SLC12A6: variants seen among roughly 807,000 people sequenced by gnomAD.
SLC12A6 encodes the protein K-Cl cotransporter 3.
A neutral mutation model predicts 135.3 loss-of-function variants in SLC12A6; 66 were observed. The observed-to-expected ratio is 0.49, with a 90% CI of 0.40 to 0.60. SLC12A6 has a LOEUF of 0.60. Ranked by LOEUF, SLC12A6 falls within the 20% of genes least tolerant of loss-of-function variation. The pLI is 0.00. For missense variants in SLC12A6, 1,058 were observed against 1,452.3 expected (o/e 0.73, Z 4.41); for synonymous variants, 513 against 508.8 (o/e 1.01, Z -0.11).
intron 2 of SLC12A6, among the ~76,000 whole-genome samples, chr15:34,334,836 T>G (rs368822271): frequency 6.6e-6 from 1 of 152,196 alleles, no homozygotes; most frequent in African/African-American, 2.4e-5. Context: ...GATACCACTT[T>G]AGACTGTAAA....
At chr15:34,248,000 C>T (rs990338213) in intron 13 of SLC12A6, among the ~76,000 whole-genome samples, 1 of 152,208 alleles carries the variant, frequency 6.6e-6, no homozygotes, top group Non-Finnish European at 1.5e-5. Context: ...CCACCATACC[C>T]AGCCCTCTGA....
upstream of SLC12A6, chr15:34,337,918 G>C (rs907318684): frequency 6.6e-6 from 1 of 152,440 alleles, no homozygotes; most frequent in African/African-American, 2.4e-5. Context: ...CGCCGCCGCA[G>C]CCCTTCCCTT....
chr15:34,308,362 T>C (rs1887883808), intron 2 of SLC12A6, among the ~76,000 whole-genome samples: 1 of 152,096 alleles, frequency 6.6e-6, no homozygotes, highest in Non-Finnish European at 1.5e-5. Context: ...CGGTGGCTCA[T>C]GCCTGTAATC....
chr15:34,305,514 T>C (rs1896547050), intron 2 of SLC12A6, among the ~76,000 whole-genome samples: 1 of 152,006 alleles, frequency 6.6e-6, no homozygotes, highest in Non-Finnish European at 1.5e-5. Context: ...GCGCCTACTA[T>C]GTGTAAGACA....
rs1326578142 is a variant in SLC12A6, at chr15:34,231,591, TC to T, written c.*2289del. 0.059 allele frequency: 7,012 copies of T among 118,582 alleles called. 221 individuals are homozygous for T. Among genetic ancestry groups the T allele is most frequent in the Middle Eastern group, 0.094 (17 of 180 alleles). 7.3% of individuals were successfully genotyped at this position (118,582 alleles called of 1,614,324 possible). On this transcript the variant is annotated 3_prime_UTR_variant, in exon 26 of 26. Transcript: ENST00000354181. ...AAATTACTCAATTTCTTTCTTTCTT[TC>T]TTTTTTTTTTTTTTTGAGATGGAGT...
intron 2 of SLC12A6, among the ~76,000 whole-genome samples, chr15:34,318,004 G>A (rs768920644): frequency 6.6e-6 from 1 of 152,000 alleles, no homozygotes; most frequent in Non-Finnish European, 1.5e-5. Context: ...ACCATCTCTT[G>A]TACTTTTGTT....
intron 2 of SLC12A6, among the ~76,000 whole-genome samples, chr15:34,294,077 T>G (rs1895719899): frequency 6.6e-6 from 1 of 152,266 alleles, no homozygotes; most frequent in Non-Finnish European, 1.5e-5. Context: ...TCATTTTCTT[T>G]CTTGTGTAAA....
intron 2 of SLC12A6, 57 bp downstream of exon 2, chr15:34,336,353 C>A: frequency 7.5e-7 from 1 of 1,328,954 alleles, no homozygotes; most frequent in South Asian, 1.2e-5. Context: ...CATAGATGGT[C>A]ATCTTGGATA....
chr15:34,287,644 T>A (rs1043934425), intron 2 of SLC12A6, among the ~76,000 whole-genome samples: 5 of 152,190 alleles, frequency 3.3e-5, no homozygotes, highest in Non-Finnish European at 7.3e-5. Flanking sequence ...CATGTGTTGT[T>A]TCCTGACTTT....
At position 34,336,403 on chromosome 15, in the gene SLC12A6, T is replaced by C. The variant is rs2141211353; in HGVS notation, c.271+7A>G. On this transcript the variant is annotated splice_region_variant and intron_variant, in intron 2 of 25. Transcript: ENST00000354181. ...GAAAGTATGCTGCGGTCTGTGTTTC[T>C]ACTTACCCTCGATGACATCCTGGGG... 1.2e-6 allele frequency: 2 copies of C among 1,611,642 alleles called. No homozygotes were observed. The highest frequency in any genetic ancestry group is 1.7e-6 in the Non-Finnish European group (2 of 1,177,768).
At chr15:34,306,994 G>T (rs1896645088) in intron 2 of SLC12A6, among the ~76,000 whole-genome samples, 1 of 152,146 alleles carries the variant, frequency 6.6e-6, no homozygotes. Context: ...AGAGAACAGT[G>T]GTTGCCTAGG....
chr15:34,267,331 T>C (rs1226798853), intron 3 of SLC12A6, among the ~76,000 whole-genome samples: 1 of 152,228 alleles, frequency 6.6e-6, no homozygotes, highest in African/African-American at 2.4e-5. Flanking sequence ...AGTTCATTTA[T>C]TCACTACTCT....
At chr15:34,253,776 T>A (rs1025787934) in intron 9 of SLC12A6, among the ~76,000 whole-genome samples, 1 of 152,222 alleles carries the variant, frequency 6.6e-6, no homozygotes, top group African/African-American at 2.4e-5. Context: ...AAGGGAAAAG[T>A]GAGCCTGTGA....
At chr15:34,301,537 T>C (rs994948107) in intron 2 of SLC12A6, among the ~76,000 whole-genome samples, 9 of 152,104 alleles carry the variant, frequency 5.9e-5, no homozygotes, top group South Asian at 2.1e-4. Context: ...GTCTAGATAC[T>C]AGAAGGAAGA....
At chr15:34,243,063 T>C (rs777285444) in intron 16 of SLC12A6, among the ~76,000 whole-genome samples, 9 of 151,992 alleles carry the variant, frequency 5.9e-5, no homozygotes, top group Non-Finnish European at 1.0e-4. Context: ...CCGGCTACTT[T>C]TGTATTTTTA....
chr15:34,310,005 C>CTTTTTTTTTTTT (rs879478639), intron 2 of SLC12A6, among the ~76,000 whole-genome samples: 22 of 144,160 alleles, frequency 1.5e-4, no homozygotes, highest in African/African-American at 3.1e-4. Flanking sequence ...AAGAGATAAT[C>CTTTTTTTTTTTT]TTTTTTTTTT....
intron 22 of SLC12A6, 140 bp downstream of exon 22, chr15:34,237,279 T>C (rs1891328909): frequency 1.6e-6 from 1 of 620,158 alleles, no homozygotes; most frequent in South Asian, 1.9e-5. Flanking sequence ...AAATTAGGGT[T>C]TTTTTTTGTT....
chr15:34,276,357 A>C (rs1296455162), intron 2 of SLC12A6, among the ~76,000 whole-genome samples: 1 of 152,228 alleles, frequency 6.6e-6, no homozygotes, highest in Non-Finnish European at 1.5e-5. Flanking sequence ...ACTTTAAGAT[A>C]CACTGACTAC....
At chr15:34,248,702 G>A (rs1334517504) in intron 13 of SLC12A6, among the ~76,000 whole-genome samples, 1 of 152,042 alleles carries the variant, frequency 6.6e-6, no homozygotes, top group Non-Finnish European at 1.5e-5. Flanking sequence ...GTAGGGGAGA[G>A]TAATATGAAA....
Sources: allele counts gnomAD v4.1 joint callset (sites outside exome capture counted in the v4.1 genomes callset), GRCh38; gene constraint gnomAD v4.1.1; transcripts MANE v1.5; gene names NCBI Gene and HGNC (gene_info 2026-07-23, HGNC 2026-07-21).